PRKG1: variants seen among roughly 807,000 people sequenced by gnomAD.
PRKG1 encodes cGMP-dependent protein kinase 1.
PRKG1 carries 35 observed loss-of-function variants against 88.1 expected under a neutral mutation model. That is an observed-to-expected ratio of 0.40 (90% CI 0.30 to 0.53). The LOEUF (loss-of-function observed/expected upper bound fraction) is 0.53. PRKG1 is among the 20% of genes least tolerant of loss of function. The pLI is 0.59. For synonymous variants in PRKG1, 303 were observed against 292.5 expected (o/e 1.04, Z -0.37); for missense variants, 540 against 839.8 (o/e 0.64, Z 4.41).
In PRKG1 at chr10:51,490,746, A is replaced by G. The variant is rs545425674; in HGVS notation, c.592+22910A>G. 4.9e-3 allele frequency among the ~76,000 whole-genome samples: 753 copies of G among 152,234 alleles called. 4 individuals carry two copies. Among genetic ancestry groups the G allele is most frequent in the African/African-American group, 0.017 (726 of 41,570 alleles). On this transcript the variant is annotated intron_variant, in intron 3 of 17. Coordinates refer to ENST00000373980, the MANE Select transcript of PRKG1 (RefSeq NM_006258.4). ...GGTGCAGAGAGATATGAGCTCTCACATATTCTTGGTGTGAATATAAGGTGA... is the reference window on the plus strand; with the variant it reads ...GGTGCAGAGAGATATGAGCTCTCACGTATTCTTGGTGTGAATATAAGGTGA...
At chr10:52,066,490 C>A (rs1032471893) in intron 7 of PRKG1, among the ~76,000 whole-genome samples, 1 of 152,130 alleles carries the variant, frequency 6.6e-6, no homozygotes, top group African/African-American at 2.4e-5. Flanking sequence ...ATGAACCTCT[C>A]GAATGATGTC....
At chr10:51,528,571 CAA>C (rs11337114) in intron 3 of PRKG1, among the ~76,000 whole-genome samples, 44 of 140,746 alleles carry the variant, frequency 3.1e-4, no homozygotes, top group Admixed American at 4.2e-4. Context: ...TTCAGTACAG[CAA>C]AAAAAAAAAA....
intron 7 of PRKG1, among the ~76,000 whole-genome samples, chr10:52,123,687 G>C (rs1483521164): frequency 6.6e-6 from 1 of 151,886 alleles, no homozygotes; most frequent in Non-Finnish European, 1.5e-5. Context: ...ATGTGAAAAG[G>C]CCATCAGTAT....
intron 5 of PRKG1, among the ~76,000 whole-genome samples, chr10:51,940,746 T>C (rs940920555): frequency 1.3e-5 from 2 of 151,888 alleles, no homozygotes; most frequent in African/African-American, 4.8e-5. Context: ...TGTTATTACT[T>C]CCCTTAACTT....
At chr10:51,275,153 T>C (rs1444918908) in intron 2 of PRKG1, among the ~76,000 whole-genome samples, 1 of 152,236 alleles carries the variant, frequency 6.6e-6, no homozygotes, top group East Asian at 1.9e-4. Flanking sequence ...ATGACATCCT[T>C]ATTTATCTGA....
intron 2 of PRKG1, among the ~76,000 whole-genome samples, chr10:51,255,474 A>G (rs1839533538): frequency 6.6e-6 from 1 of 152,112 alleles, no homozygotes; most frequent in East Asian, 1.9e-4. Context: ...TTTATTTATC[A>G]TCTCACATAA....
intron 4 of PRKG1, among the ~76,000 whole-genome samples, chr10:51,901,433 C>T (rs1363546824): frequency 2.0e-5 from 3 of 152,166 alleles, no homozygotes; most frequent in African/African-American, 4.8e-5. Context: ...TTAATTCCAG[C>T]AAGGTACCAT....
chr10:51,495,731 C>T (rs1016655405), intron 3 of PRKG1, among the ~76,000 whole-genome samples: 14 of 152,144 alleles, frequency 9.2e-5, no homozygotes, highest in Admixed American at 7.2e-4. Flanking sequence ...ACTTTGGCAA[C>T]GTTGTAAATG....
At chr10:51,367,083 C>G (rs1264524940) in intron 2 of PRKG1, among the ~76,000 whole-genome samples, 1 of 151,874 alleles carries the variant, frequency 6.6e-6, no homozygotes, top group Admixed American at 6.6e-5. Context: ...ATTTGTTTTA[C>G]TAGGTTTTTC....
At chr10:51,850,962 C>T (rs1392185845) in intron 4 of PRKG1, among the ~76,000 whole-genome samples, 1 of 152,112 alleles carries the variant, frequency 6.6e-6, no homozygotes, top group Admixed American at 6.6e-5. Context: ...TACCTTTGAT[C>T]TAGCAATCCT....
In PRKG1 at chr10:51,074,787, G is replaced by T. The variant is rs530013905; in HGVS notation, c.197G>T (p.Ser66Ile). 1.5e-4 allele frequency: 244 copies of T among 1,613,996 alleles called. 3 individuals carry two copies. The South Asian group carries it at 2.5e-3, about 17-fold the overall frequency. Reference sequence around the variant, plus strand: ...CAGCAGGCGCAGAAGCAGAGCGCGAGCACCTTGCAGGGCGAGCCGCGCACC... The same window carrying T: ...CAGCAGGCGCAGAAGCAGAGCGCGATCACCTTGCAGGGCGAGCCGCGCACC... The part of the protein sequence containing the change: ...ATQQAQKQSA[S>I]TLQGEPRTKR... Residue 66 changes from serine to isoleucine, a missense_variant, in exon 1 of 18, where the codon AGC (serine) becomes ATC (isoleucine). Ser to Ile is a moderately radical substitution (Grantham distance 142, BLOSUM62 -2). This residue lies in a region of PRKG1 where 400 missense variants were observed against 562.7 expected (regional missense o/e 0.71). Transcript: ENST00000373980.
chr10:51,855,362 A>C, intron 4 of PRKG1, among the ~76,000 whole-genome samples: 1 of 152,136 alleles, frequency 6.6e-6, no homozygotes, highest in South Asian at 2.1e-4. Context: ...GAAGGGTTGG[A>C]AAGAGGGAGA....
At chr10:51,769,966 C>T (rs1037527479) in intron 3 of PRKG1, among the ~76,000 whole-genome samples, 1 of 152,214 alleles carries the variant, frequency 6.6e-6, no homozygotes, top group East Asian at 1.9e-4. Flanking sequence ...GCCTATGGGC[C>T]GTGTGTTGTA....
chr10:52,039,836 T>G (rs751268890), intron 5 of PRKG1, among the ~76,000 whole-genome samples: 8 of 152,196 alleles, frequency 5.3e-5, no homozygotes, highest in African/African-American at 1.9e-4. Flanking sequence ...TGTCTCCTAA[T>G]TTTTGAGAAG....
intron 2 of PRKG1, among the ~76,000 whole-genome samples, chr10:51,374,911 C>T (rs1419871463): frequency 6.6e-6 from 1 of 152,132 alleles, no homozygotes; most frequent in Non-Finnish European, 1.5e-5. Flanking sequence ...AGGCTAGAGT[C>T]TACCCTCAGC....
intron 8 of PRKG1, among the ~76,000 whole-genome samples, chr10:52,155,136 T>A (rs774491635): frequency 6.6e-6 from 1 of 152,128 alleles, no homozygotes; most frequent in Non-Finnish European, 1.5e-5. Context: ...AATGACCTCT[T>A]TTCCTTTGGG....
At chr10:52,107,517 T>C (rs1236357749) in intron 7 of PRKG1, among the ~76,000 whole-genome samples, 1 of 152,208 alleles carries the variant, frequency 6.6e-6, no homozygotes, top group Admixed American at 6.5e-5. Context: ...ACCTCCACAA[T>C]GTCTCAAAAT....
intron 5 of PRKG1, among the ~76,000 whole-genome samples, chr10:51,934,319 G>A (rs991453844): frequency 6.6e-6 from 1 of 151,104 alleles, no homozygotes; most frequent in African/African-American, 2.4e-5. Context: ...AGTTGTGTCA[G>A]CCAAAGTGCA....
At chr10:51,658,445 T>C (rs1252180575) in intron 3 of PRKG1, among the ~76,000 whole-genome samples, 1 of 152,020 alleles carries the variant, frequency 6.6e-6, no homozygotes, top group Non-Finnish European at 1.5e-5. Context: ...CAAATGTCCC[T>C]TCCAGATCCT....
Sources: allele counts gnomAD v4.1 joint callset (sites outside exome capture counted in the v4.1 genomes callset), GRCh38; gene constraint gnomAD v4.1.1; regional missense constraint gnomAD v4.1.1; transcripts MANE v1.5; gene names NCBI Gene and HGNC (gene_info 2026-07-23, HGNC 2026-07-21).